ERBIN: variants seen among roughly 807,000 people sequenced by gnomAD.
ERBIN encodes densin-180-like protein.
In ERBIN, 60 loss-of-function variants were observed where a neutral mutation model predicts 158.4. The observed-to-expected ratio is 0.38, with a 90% CI of 0.31 to 0.47. The LOEUF (loss-of-function observed/expected upper bound fraction) is 0.47, where lower values mean the gene tolerates loss of function less well. Among genes scored for constraint, ERBIN ranks in the 20% least tolerant of loss-of-function variants. ERBIN has a pLI of 0.99. For synonymous variants in ERBIN, 594 were observed against 557.2 expected, an observed-to-expected ratio of 1.07 and a Z score of -0.93; for missense variants, 1,610 against 1,648.0, an observed-to-expected ratio of 0.98 and a Z score of 0.40.
At chr5:65,963,035 ATT>A (rs904788319) in intron 1 of ERBIN, among the ~76,000 whole-genome samples, 18 of 152,286 alleles carry the variant, frequency 1.2e-4, no homozygotes, top group African/African-American at 3.8e-4. Flanking sequence ...CATTTGTCTC[ATT>A]TGAGTATCAG....
chr5:66,078,629 C>A lies in ERBIN; in HGVS notation c.*99C>A. On this transcript the variant is annotated 3_prime_UTR_variant, in exon 26 of 26. Coordinates refer to ENST00000284037, the MANE Select transcript of ERBIN (RefSeq NM_001253697.2). ...GACTATTTTTATATATAAAGAAGAA[C>A]TCAAAAAATTATGTTCAAATTTGTA... 2.7e-6 allele frequency: 2 copies of A among 749,702 alleles called. No individual in the cohort carries two copies. The highest frequency in any genetic ancestry group is 2.2e-6 in the Non-Finnish European group (1 of 446,648). The allele number at this position is 749,702 out of a possible 1,614,324, so 46.4% of individuals were successfully genotyped here.
intron 21 of ERBIN, among the ~76,000 whole-genome samples, chr5:66,070,839 A>C (rs1761461898): frequency 6.6e-6 from 1 of 152,202 alleles, no homozygotes; most frequent in Non-Finnish European, 1.5e-5. Context: ...CTCTATATGT[A>C]TGCTGTAGTA....
intron 21 of ERBIN, among the ~76,000 whole-genome samples, chr5:66,057,244 T>C (rs1759682876): frequency 6.6e-6 from 1 of 152,190 alleles, no homozygotes; most frequent in Non-Finnish European, 1.5e-5. Flanking sequence ...TTCATGTGTA[T>C]GTTAGGTGCA....
chr5:66,029,658 G>A (rs1756643965), intron 14 of ERBIN, among the ~76,000 whole-genome samples: 2 of 152,192 alleles, frequency 1.3e-5, no homozygotes, highest in Admixed American at 1.3e-4. Flanking sequence ...AGGCTGGAGT[G>A]CAGTGACGTG....
chr5:66,023,673 ATTTTTTT>A (rs145788640), intron 9 of ERBIN, among the ~76,000 whole-genome samples: 2 of 131,618 alleles, frequency 1.5e-5, no homozygotes, highest in Non-Finnish European at 3.3e-5. Context: ...AACTTTCTGA[ATTTTTTT>A]TTTTTTTTTT....
At chr5:66,024,764 C>T (rs1237292675) in intron 10 of ERBIN, among the ~76,000 whole-genome samples, 5 of 151,686 alleles carry the variant, frequency 3.3e-5, no homozygotes, top group Non-Finnish European at 5.9e-5. Context: ...TTTTTCAGTC[C>T]TGTTTCATTA....
At chr5:65,949,982 A>G (rs1321380765) in intron 1 of ERBIN, among the ~76,000 whole-genome samples, 1 of 150,276 alleles carries the variant, frequency 6.7e-6, no homozygotes, top group African/African-American at 2.5e-5. Flanking sequence ...GGAACCTAAA[A>G]TATCTGCCCA....
intron 1 of ERBIN, among the ~76,000 whole-genome samples, chr5:65,954,921 C>T (rs1316937581): frequency 3.3e-5 from 5 of 151,862 alleles, no homozygotes; most frequent in South Asian, 2.1e-4. Context: ...AGTAATTAGC[C>T]GGGCATGGTG....
chr5:66,049,124 T>A (rs922446695), intron 19 of ERBIN, among the ~76,000 whole-genome samples: 2 of 152,126 alleles, frequency 1.3e-5, no homozygotes, highest in African/African-American at 4.8e-5. Flanking sequence ...TAATGAAGGA[T>A]TTTTGCATCA....
chr5:66,075,279 A>G (rs1224409630), intron 23 of ERBIN, 49 bp downstream of exon 23: 3 of 1,411,190 alleles, frequency 2.1e-6, no homozygotes, highest in South Asian at 1.2e-5. Flanking sequence ...CTTTTTATGT[A>G]TTTTTATAGG....
chr5:65,997,320 T>C (rs1331949511), intron 4 of ERBIN, among the ~76,000 whole-genome samples: 1 of 152,204 alleles, frequency 6.6e-6, no homozygotes, highest in Non-Finnish European at 1.5e-5. Context: ...TGAAAGGACG[T>C]TGAATTTTGT....
chr5:65,938,107 C>G (rs968154468), intron 1 of ERBIN, among the ~76,000 whole-genome samples: 2 of 152,016 alleles, frequency 1.3e-5, no homozygotes, highest in Non-Finnish European at 2.9e-5. Flanking sequence ...CTTGTTGATA[C>G]GCATATTTGT....
intron 14 of ERBIN, among the ~76,000 whole-genome samples, chr5:66,030,999 T>C (rs1161921393): frequency 6.6e-6 from 1 of 152,204 alleles, no homozygotes; most frequent in East Asian, 1.9e-4. Context: ...ATTCTCACTC[T>C]CCACTTGGTT....
chr5:66,003,923 CTTTTTTTTTTT>C (rs35063438), intron 4 of ERBIN, among the ~76,000 whole-genome samples: 95 of 62,664 alleles, frequency 1.5e-3, no homozygotes, highest in African/African-American at 5.3e-3. Flanking sequence ...GAGCAGCAGT[CTTTTTTTTTTT>C]TTTTTTTTTT....
chr5:66,015,033 G>C (rs949084797), intron 7 of ERBIN, among the ~76,000 whole-genome samples: 1 of 152,022 alleles, frequency 6.6e-6, no homozygotes, highest in African/African-American at 2.4e-5. Flanking sequence ...GAAATCCCAG[G>C]TTCGTCTACT....
At chr5:66,060,965 C>G (rs1005193416) in intron 21 of ERBIN, among the ~76,000 whole-genome samples, 8 of 152,016 alleles carry the variant, frequency 5.3e-5, no homozygotes, top group Admixed American at 1.3e-4. Context: ...TTACTTCCAA[C>G]TGTGTGGTCA....
chr5:65,931,182 A>G (rs2150834914), intron 1 of ERBIN, among the ~76,000 whole-genome samples: 1 of 152,374 alleles, frequency 6.6e-6, no homozygotes, highest in Non-Finnish European at 1.5e-5. Flanking sequence ...CACAACAGGT[A>G]TGACAGAGTC....
chr5:66,016,353 C>T (rs41396147), intron 7 of ERBIN, among the ~76,000 whole-genome samples: 6,135 of 152,186 alleles, frequency 0.04, 423 homozygotes, highest in African/African-American at 0.14. Flanking sequence ...AGGCAATTAA[C>T]TGATTTTAAC....
rs1179980131 is a variant in ERBIN, at chr5:65,935,041, A to G, written c.-58+8235A>G. ...AGAAGCCAAGATCTGGGGCTTGTGT[A>G]CATTGTTGTTTTTAGGGTATTGTTA... On this transcript the variant is annotated intron_variant, in intron 1 of 25. Transcript: ENST00000284037. Among the ~76,000 whole-genome samples the G allele has an allele frequency of 1.3e-5, 2 of 152,250 alleles. 1 individual carries two copies. Among genetic ancestry groups the G allele is most frequent in the South Asian group, 4.1e-4 (2 of 4,824 alleles).
Sources: allele counts gnomAD v4.1 joint callset (sites outside exome capture counted in the v4.1 genomes callset), GRCh38; gene constraint gnomAD v4.1.1; transcripts MANE v1.5; gene names NCBI Gene and HGNC (gene_info 2026-07-23, HGNC 2026-07-21).